Variants in HLF observed in about 807,000 individuals in gnomAD.
HLF encodes the protein hepatic leukemia factor.
A neutral mutation model predicts 22.6 loss-of-function variants in HLF; 3 were observed. The observed-to-expected ratio is 0.13, with a 90% confidence interval of 0.06 to 0.34. HLF has a LOEUF of 0.34. Ranked by LOEUF, HLF falls within the 10% of genes least tolerant of loss-of-function variation. The pLI is 1.00. For missense variants in HLF, 299 were observed against 389.2 expected, an observed-to-expected ratio of 0.77 and a Z score of 1.95; for synonymous variants, 151 against 151.8, an observed-to-expected ratio of 0.99 and a Z score of 0.04.
At chr17:55,301,475 T>G (rs1319978805) in intron 2 of HLF, among the ~76,000 whole-genome samples, 1 of 152,234 alleles carries the variant, frequency 6.6e-6, no homozygotes, top group Non-Finnish European at 1.5e-5. Flanking sequence ...ATAAAAAAAT[T>G]ATCAGTATAG....
chr17:55,296,288 T>A (rs535838485), intron 2 of HLF, among the ~76,000 whole-genome samples: 6 of 152,212 alleles, frequency 3.9e-5, no homozygotes, highest in Non-Finnish European at 7.3e-5. Flanking sequence ...GTGATTTTTT[T>A]AAAAGAAATT....
At position 55,277,235 on chromosome 17, in the gene HLF, A is replaced by ATGTGTG. The variant is rs1567813072; in HGVS notation, c.451+9154_451+9155insGTGTGT. On this transcript the variant is annotated intron_variant, in intron 2 of 3. Coordinates refer to ENST00000226067, the MANE Select transcript of HLF (RefSeq NM_002126.5). ...AAATAAGTATATTGAACCAGATGTT[A>ATGTGTG]TGTGTATGTGTGTGTGTGTGTGTGT... Among the ~76,000 whole-genome samples, 3 of 19,126 alleles carry ATGTGTG rather than the reference A, an allele frequency of 1.6e-4. No homozygotes were observed. The Admixed American group carries it at 2.1e-3, about 13-fold the overall frequency. 12.5% of individuals were successfully genotyped at this position (19,126 alleles called of 152,430 possible). A position where few individuals can be genotyped will look rare whatever the true frequency, so the allele number is the denominator to read the frequency against.
intron 2 of HLF, among the ~76,000 whole-genome samples, chr17:55,304,746 A>T (rs1446684222): frequency 1.3e-5 from 2 of 151,792 alleles, no homozygotes; most frequent in East Asian, 3.9e-4. Context: ...GGAAGTGTGG[A>T]CTCTCCACCT....
intron 2 of HLF, among the ~76,000 whole-genome samples, chr17:55,306,447 A>T (rs143603009): frequency 1.1e-4 from 16 of 152,104 alleles, no homozygotes; most frequent in African/African-American, 3.9e-4. Flanking sequence ...GATCAAAGGG[A>T]TCTTTACAAT....
In HLF at chr17:55,294,629, T is replaced by C. The variant is rs2081095241; in HGVS notation, c.452-20598T>C. 2.0e-5 allele frequency among the ~76,000 whole-genome samples: 3 copies of C among 152,360 alleles called. No individual in the cohort carries two copies. In the South Asian group the frequency reaches 6.2e-4, roughly 32 times the overall value. On this transcript the variant is annotated intron_variant, in intron 2 of 3. Coordinates refer to ENST00000226067, the MANE Select transcript of HLF (RefSeq NM_002126.5). ...GCAAAAATAGATCTCCATGTGGGGA[T>C]GTGGCCTCTTTTCCCCAAGTGTGGA...
chr17:55,306,365 A>C (rs1380358488), intron 2 of HLF, among the ~76,000 whole-genome samples: 1 of 152,326 alleles, frequency 6.6e-6, no homozygotes, highest in South Asian at 2.1e-4. Flanking sequence ...CTGGCTTAGC[A>C]TCATGCTTTA....
At chr17:55,266,915 G>C in intron 1 of HLF, 1 of 510,244 alleles carries the variant, frequency 2.0e-6, no homozygotes, top group Non-Finnish European at 2.5e-6. Flanking sequence ...TTTTCCAATA[G>C]CTCTGCTTTT....
chr17:55,316,158 C>G (rs369640951), intron 3 of HLF, among the ~76,000 whole-genome samples: 6 of 152,192 alleles, frequency 3.9e-5, no homozygotes, highest in African/African-American at 1.4e-4. Flanking sequence ...ATAATGACAT[C>G]TTAGGATGAA....
At position 55,303,802 on chromosome 17, in the gene HLF, CGT is replaced by C. The variant is rs946674199; in HGVS notation, c.452-11421_452-11420del. Among the ~76,000 whole-genome samples the C allele has an allele frequency of 1.4e-4, 22 of 152,254 alleles. 1 individual carries two copies. Among genetic ancestry groups the C allele is most frequent in the Middle Eastern group, 6.8e-3 (2 of 294 alleles). On this transcript the variant is annotated intron_variant, in intron 2 of 3. Coordinates refer to ENST00000226067, the MANE Select transcript of HLF (RefSeq NM_002126.5). ...TTCAGCGAGGGGGGTGAATGTGAAA[CGT>C]GTGGCGGAAGTTCTGGCTGTGACGT...
Position 55,321,030 on chromosome 17 carries a change from T to TGC in HLF, c.*153_*154dup. On this transcript the variant is annotated 3_prime_UTR_variant, in exon 4 of 4. Coordinates refer to ENST00000226067, the MANE Select transcript of HLF (RefSeq NM_002126.5). Reference sequence around the variant, plus strand: ...ATTTTGGTGTGCATCTGTGTGTGTGTGCGTGTATATGTGCTTGTGCTCATG... The same window carrying TGC: ...ATTTTGGTGTGCATCTGTGTGTGTGTGCGCGTGTATATGTGCTTGTGCTCATG... 1.6e-6 allele frequency: 1 copy of TGC among 631,398 alleles called. No homozygotes were observed. The highest frequency in any genetic ancestry group is 2.8e-6 in the Non-Finnish European group (1 of 352,592). The allele number at this position is 631,398 out of a possible 1,614,324, so 39.1% of individuals were successfully genotyped here.
intron 2 of HLF, among the ~76,000 whole-genome samples, chr17:55,270,172 G>T (rs1457039911): frequency 1.3e-5 from 2 of 152,178 alleles, no homozygotes; most frequent in Non-Finnish European, 2.9e-5. Flanking sequence ...ATTTTGTAAG[G>T]TTCTGGTGGA....
At chr17:55,311,507 G>GA (rs886971119) in intron 2 of HLF, among the ~76,000 whole-genome samples, 22 of 149,318 alleles carry the variant, frequency 1.5e-4, no homozygotes, top group African/African-American at 2.7e-4. Flanking sequence ...CTGTCTCAAA[G>GA]AAAAAAAAAC....
In HLF at chr17:55,323,952, A is replaced by G. The variant is rs1245904776; in HGVS notation, c.*3073A>G. On this transcript the variant is annotated 3_prime_UTR_variant, in exon 4 of 4. Coordinates refer to ENST00000226067, the MANE Select transcript of HLF (RefSeq NM_002126.5). ...GCTTAGGACCTCCTGATGAGGTCAC[A>G]TTGTTGTTTCTTTTAACTAGACTTG... is the stretch of plus-strand genomic sequence containing the variant. 2 of 228,836 alleles carry G rather than the reference A, an allele frequency of 8.7e-6. No individual in the cohort carries two copies. The highest frequency in any genetic ancestry group is 1.3e-3 in the Middle Eastern group (1 of 792). 14.2% of individuals were successfully genotyped at this position (228,836 alleles called of 1,614,324 possible).
chr17:55,313,088 C>T (rs1904905553), intron 2 of HLF, among the ~76,000 whole-genome samples: 1 of 152,168 alleles, frequency 6.6e-6, no homozygotes, highest in Non-Finnish European at 1.5e-5. Flanking sequence ...AGTTAGGTTT[C>T]TCCACTCTGC....
intron 3 of HLF, among the ~76,000 whole-genome samples, chr17:55,316,018 T>G (rs1316452948): frequency 6.6e-6 from 1 of 152,204 alleles, no homozygotes; most frequent in Non-Finnish European, 1.5e-5. Context: ...AACGATCACT[T>G]GAATATCTCA....
intron 2 of HLF, chr17:55,272,301 C>T (rs2080865493): frequency 6.6e-6 from 1 of 152,192 alleles, no homozygotes; most frequent in South Asian, 2.1e-4. Context: ...GACAGCCATC[C>T]CTTTAGGGAA....
At chr17:55,305,699 C>T (rs147129491) in intron 2 of HLF, among the ~76,000 whole-genome samples, 1,763 of 152,344 alleles carry the variant, frequency 0.012, 18 homozygotes, top group Middle Eastern at 0.041. Context: ...GTGCCCGCCT[C>T]GCAGAGGCTG....
rs1905390791 is a variant in HLF, at chr17:55,324,674, G to A, written c.*3795G>A. ...TAGGTACCCCCACTGGCAAGGCCAA[G>A]GTCTCCTCCACGTTTTTTCTGCAAT... On this transcript the variant is annotated 3_prime_UTR_variant, in exon 4 of 4. Transcript: ENST00000226067. 4.3e-6 allele frequency: 1 copy of A among 232,740 alleles called. No individual in the cohort carries two copies. Among genetic ancestry groups the A allele is most frequent in the South Asian group, 1.8e-4 (1 of 5,522 alleles). The allele number at this position is 232,740 out of a possible 1,614,324, so 14.4% of individuals were successfully genotyped here.
intron 2 of HLF, among the ~76,000 whole-genome samples, chr17:55,280,142 C>G (rs983879735): frequency 6.6e-6 from 1 of 152,212 alleles, no homozygotes; most frequent in Non-Finnish European, 1.5e-5. Flanking sequence ...TCTACAATTA[C>G]TATTCCTTCT....
Sources: allele counts gnomAD v4.1 joint callset (sites outside exome capture counted in the v4.1 genomes callset), GRCh38; gene constraint gnomAD v4.1.1; transcripts MANE v1.5; gene names NCBI Gene and HGNC (gene_info 2026-07-23, HGNC 2026-07-21).